Variants in PARP8 observed in about 807,000 individuals in gnomAD.
PARP8 encodes the protein poly(ADP-ribose) polymerase family member 8.
In PARP8, 51 loss-of-function variants were observed where a neutral mutation model predicts 124.1. The observed-to-expected ratio is 0.41, with a 90% CI of 0.33 to 0.52. The LOEUF (loss-of-function observed/expected upper bound fraction) is 0.52. PARP8 is among the 20% of genes least tolerant of loss of function. The pLI is 0.21. For missense variants in PARP8, 860 were observed against 1,018.9 expected, an observed-to-expected ratio of 0.84 and a Z score of 2.12; for synonymous variants, 391 against 361.5, an observed-to-expected ratio of 1.08 and a Z score of -0.93.
At chr5:50,698,807 G>C (rs1390139286) in intron 2 of PARP8, among the ~76,000 whole-genome samples, 1 of 152,180 alleles carries the variant, frequency 6.6e-6, no homozygotes, top group African/African-American at 2.4e-5. Context: ...AGGATTAGAA[G>C]AGTAGATGTT....
At chr5:50,706,061 T>A (rs1754116487) in intron 2 of PARP8, among the ~76,000 whole-genome samples, 1 of 152,172 alleles carries the variant, frequency 6.6e-6, no homozygotes, top group Admixed American at 6.5e-5. Flanking sequence ...AACAATTGCT[T>A]TCTAAATTGG....
chr5:50,771,162 A>G (rs923281680), intron 7 of PARP8, among the ~76,000 whole-genome samples: 1 of 150,378 alleles, frequency 6.6e-6, no homozygotes, highest in African/African-American at 2.4e-5. Flanking sequence ...ATATATATTC[A>G]TTTATTTATT....
intron 10 of PARP8, 24 bp downstream of exon 10, chr5:50,788,613 A>C (rs1287950758): frequency 6.3e-6 from 10 of 1,583,472 alleles, no homozygotes; most frequent in Non-Finnish European, 8.7e-6. Flanking sequence ...AGTGCAAAAA[A>C]TAAATTTCTG....
intron 7 of PARP8, among the ~76,000 whole-genome samples, chr5:50,766,556 CTTA>C (rs1489187297): frequency 3.3e-5 from 5 of 151,972 alleles, no homozygotes; most frequent in Non-Finnish European, 5.9e-5. Flanking sequence ...TATTCTTTAC[CTTA>C]TTATCATGCC....
At chr5:50,682,537 A>T (rs1751409112) in intron 2 of PARP8, among the ~76,000 whole-genome samples, 2 of 152,146 alleles carry the variant, frequency 1.3e-5, no homozygotes, top group Non-Finnish European at 2.9e-5. Flanking sequence ...TAGAAGTTTG[A>T]CATTTTAAGT....
intron 14 of PARP8, among the ~76,000 whole-genome samples, chr5:50,800,810 G>A (rs547236775): frequency 4.2e-4 from 62 of 148,536 alleles, no homozygotes; most frequent in African/African-American, 1.5e-3. Flanking sequence ...ATGTTGGAGT[G>A]CAGTGGTGCA....
At chr5:50,759,134 G>C (rs561120696) in intron 3 of PARP8, among the ~76,000 whole-genome samples, 9 of 152,118 alleles carry the variant, frequency 5.9e-5, no homozygotes, top group African/African-American at 2.2e-4. Flanking sequence ...GGCCAGGCTG[G>C]TATCAAACTC....
intron 7 of PARP8, among the ~76,000 whole-genome samples, chr5:50,776,710 C>T (rs1740071015): frequency 6.6e-6 from 1 of 151,856 alleles, no homozygotes; most frequent in Non-Finnish European, 1.5e-5. Context: ...GAAAAAGATC[C>T]CCTAGATTCC....
At position 50,828,377 on chromosome 5, in the gene PARP8, G is replaced by A. The variant is rs150449107; in HGVS notation, c.2156G>A (p.Arg719Gln). 25 of 1,611,584 alleles carry A rather than the reference G, an allele frequency of 1.6e-5. No individual in the cohort carries two copies. Among genetic ancestry groups the A allele is most frequent in the Non-Finnish European group, 2.1e-5 (25 of 1,178,242 alleles). ...RNGLVVASNT[R>Q]LQLHGAMYGS... ...GGTCTGGTTGTTGCTTCTAATACAC[G>A]ATTGCAGGTAGATTTTCTGAATGCT... is the stretch of plus-strand genomic sequence containing the variant. Residue 719 changes from arginine to glutamine, a missense_variant, in exon 21 of 26, where the codon CGA (arginine) becomes CAA (glutamine). This residue lies in a region of PARP8 where 343 missense variants were observed against 474.7 expected (regional missense o/e 0.72). Transcript: ENST00000281631.
intron 9 of PARP8, among the ~76,000 whole-genome samples, chr5:50,781,092 A>G (rs1345900368): frequency 6.6e-6 from 1 of 152,104 alleles, no homozygotes; most frequent in African/African-American, 2.4e-5. Flanking sequence ...TTTGTCCTCC[A>G]TGTTTTTCAT....
chr5:50,743,675 C>T (rs1758268762), intron 2 of PARP8, among the ~76,000 whole-genome samples: 1 of 151,728 alleles, frequency 6.6e-6, no homozygotes. Context: ...ATCTGTAATC[C>T]CAGAGGTTTG....
At chr5:50,821,970 G>A (rs1490339860) in intron 16 of PARP8, among the ~76,000 whole-genome samples, 9 of 152,170 alleles carry the variant, frequency 5.9e-5, no homozygotes, top group East Asian at 3.9e-4. Flanking sequence ...AAATAAAAGC[G>A]GTTGTGAGAT....
intron 2 of PARP8, among the ~76,000 whole-genome samples, chr5:50,709,955 T>TATACAC (rs149858890): frequency 0.082 from 8,402 of 101,998 alleles, 407 homozygotes; most frequent in Non-Finnish European, 0.096. Context: ...TATATATATA[T>TATACAC]ACACATACAT....
At position 50,782,269 on chromosome 5, in the gene PARP8, A is replaced by T. The variant is rs888806353; in HGVS notation, c.670+3619A>T. On this transcript the variant is annotated intron_variant, in intron 9 of 25. Coordinates refer to ENST00000281631, the MANE Select transcript of PARP8 (RefSeq NM_024615.4). Reference sequence around the variant, plus strand: ...TTTGCTGGGCATTTCTCACATGGGGATGGCATTACTCCAAGTTTCTGGTCT... The same window carrying T: ...TTTGCTGGGCATTTCTCACATGGGGTTGGCATTACTCCAAGTTTCTGGTCT... Among the ~76,000 whole-genome samples, 26 of 152,114 alleles carry T rather than the reference A, an allele frequency of 1.7e-4. 1 individual carries two copies. Among genetic ancestry groups the T allele is most frequent in the African/African-American group, 5.3e-4 (22 of 41,412 alleles).
intron 14 of PARP8, among the ~76,000 whole-genome samples, chr5:50,812,580 A>T (rs894434303): frequency 6.6e-6 from 1 of 152,192 alleles, no homozygotes; most frequent in Non-Finnish European, 1.5e-5. Context: ...TTTGCTGTGC[A>T]GAAGCTCTTT....
rs1306381925 is a variant in PARP8, at chr5:50,784,653, A to T, written c.671-3870A>T. Among the ~76,000 whole-genome samples, 11 of 152,176 alleles carry T rather than the reference A, an allele frequency of 7.2e-5. No homozygotes were observed. The East Asian group carries it at 2.1e-3, about 29-fold the overall frequency. On this transcript the variant is annotated intron_variant, in intron 9 of 25. Transcript: ENST00000281631. Reference sequence around the variant, plus strand: ...TGAATAACTTTGACCTTTTTTAAGAACATGAAAATATATCACTAGTACTTT... The same window carrying T: ...TGAATAACTTTGACCTTTTTTAAGATCATGAAAATATATCACTAGTACTTT...
intron 2 of PARP8, among the ~76,000 whole-genome samples, chr5:50,683,663 T>C (rs1751535158): frequency 6.6e-6 from 1 of 152,220 alleles, no homozygotes; most frequent in African/African-American, 2.4e-5. Flanking sequence ...AACTACTCTT[T>C]ATCTTCTACT....
chr5:50,678,561 G>GAGAGAA (rs1750902135), intron 2 of PARP8, among the ~76,000 whole-genome samples: 3 of 152,082 alleles, frequency 2.0e-5, no homozygotes, highest in African/African-American at 7.2e-5. Context: ...GATAAATATA[G>GAGAGAA]ATATATGAGA....
At chr5:50,725,983 T>G (rs1205740265) in intron 2 of PARP8, among the ~76,000 whole-genome samples, 1 of 152,142 alleles carries the variant, frequency 6.6e-6, no homozygotes, top group Non-Finnish European at 1.5e-5. Flanking sequence ...GCCTGAGCTG[T>G]TTATGGTTAT....
Sources: allele counts gnomAD v4.1 joint callset (sites outside exome capture counted in the v4.1 genomes callset), GRCh38; gene constraint gnomAD v4.1.1; regional missense constraint gnomAD v4.1.1; transcripts MANE v1.5; gene names NCBI Gene and HGNC (gene_info 2026-07-23, HGNC 2026-07-21).